The following SCLT1 variants were observed in gnomAD, a reference collection of about 807,000 sequenced individuals.
SCLT1 encodes the protein sodium channel-associated protein 1.
A neutral mutation model predicts 112.8 loss-of-function variants in SCLT1; 78 were observed. The observed-to-expected ratio is 0.69, with a 90% CI of 0.58 to 0.83. The LOEUF (loss-of-function observed/expected upper bound fraction) is 0.83. Ranked by LOEUF, SCLT1 falls within the 40% of genes least tolerant of loss-of-function variation. The pLI is 0.00. For missense variants in SCLT1, 747 were observed against 770.4 expected (o/e 0.97, Z 0.36); for synonymous variants, 257 against 254.7 (o/e 1.01, Z -0.09).
At chr4:128,899,079 G>A (rs1329394436) in intron 18 of SCLT1, among the ~76,000 whole-genome samples, 4 of 152,088 alleles carry the variant, frequency 2.6e-5, no homozygotes, top group Non-Finnish European at 4.4e-5. Flanking sequence ...ATTCACAGCC[G>A]AATTCTACCA....
intron 9 of SCLT1, among the ~76,000 whole-genome samples, chr4:128,975,956 C>A (rs1198444761): frequency 6.6e-6 from 1 of 152,168 alleles, no homozygotes; most frequent in African/African-American, 2.4e-5. Flanking sequence ...ATATTATAAT[C>A]CATACGCTGA....
chr4:128,949,207 T>G (rs1236769075), intron 14 of SCLT1, among the ~76,000 whole-genome samples: 2 of 151,246 alleles, frequency 1.3e-5, no homozygotes, highest in Non-Finnish European at 2.9e-5. Flanking sequence ...ATGGGTAATG[T>G]GTATGGCTTG....
chr4:129,010,296 C>A (rs907701963), intron 5 of SCLT1, among the ~76,000 whole-genome samples: 1 of 152,126 alleles, frequency 6.6e-6, no homozygotes, highest in Non-Finnish European at 1.5e-5. Flanking sequence ...GTACCAGTAG[C>A]ATGCTGTTTT....
At chr4:128,931,737 C>T (rs1014393387) in intron 18 of SCLT1, among the ~76,000 whole-genome samples, 1 of 152,324 alleles carries the variant, frequency 6.6e-6, no homozygotes, top group South Asian at 2.1e-4. Flanking sequence ...GTTGGGATTA[C>T]AGGCGTGAGC....
rs369499383 is a variant in SCLT1, at chr4:128,967,727, C to G, written c.778-2409G>C. On this transcript the variant is annotated intron_variant, in intron 10 of 20. Coordinates refer to ENST00000281142, the MANE Select transcript of SCLT1 (RefSeq NM_144643.4). ...TTTCTCTTGTAAATTTGTTTAAGTT[C>G]TTTATTGATGCTGGATATTACACCT... Among the ~76,000 whole-genome samples the G allele has an allele frequency of 1.3e-4, 20 of 151,910 alleles. 1 individual carries two copies. The highest frequency in any genetic ancestry group is 9.8e-4 in the Admixed American group (15 of 15,274).
intron 9 of SCLT1, among the ~76,000 whole-genome samples, chr4:128,985,326 A>G (rs1045122013): frequency 6.6e-6 from 1 of 152,200 alleles, no homozygotes; most frequent in African/African-American, 2.4e-5. Flanking sequence ...ATCCATATAC[A>G]TATATCGATG....
intron 4 of SCLT1, chr4:128,874,971 T>C (rs1158035463): frequency 2.0e-5 from 3 of 152,060 alleles, no homozygotes; most frequent in African/African-American, 7.3e-5. Context: ...TTTTTCACTA[T>C]GTGCCTAGCT....
intron 17 of SCLT1, among the ~76,000 whole-genome samples, chr4:128,941,778 T>C (rs73850045): frequency 0.015 from 2,240 of 152,216 alleles, 50 homozygotes; most frequent in African/African-American, 0.05. Context: ...GAAACTATCA[T>C]TTCACATTTC....
chr4:129,048,937 C>T (rs1432959599), intron 2 of SCLT1, among the ~76,000 whole-genome samples: 1 of 151,988 alleles, frequency 6.6e-6, no homozygotes, highest in East Asian at 1.9e-4. Context: ...GAGATACCAT[C>T]TCAAACCAGT....
chr4:128,957,059 A>T lies in SCLT1; in HGVS notation c.1113T>A (p.Phe371Leu). The change falls in exon 13 of 21, where the codon TTT (phenylalanine) becomes TTA (leucine). Residue 371 changes from phenylalanine (F) to leucine (L), a missense_variant. Around this residue, in one of 2 missense-constraint regions of SCLT1, gnomAD observed 723 missense variants for 721.3 expected, o/e 1.00. Coordinates refer to ENST00000281142, the MANE Select transcript of SCLT1 (RefSeq NM_144643.4). ...IEKMKETVSRFVQDATIRTKK... is the reference protein window; with the variant it reads ...IEKMKETVSRLVQDATIRTKK... ...TGGTTCTTATGGTAGCATCTTGTAC[A>T]AACCGAGAAACTGTCTCTTTCATTT... 7 of 1,600,396 alleles carry T rather than the reference A, an allele frequency of 4.4e-6. No individual in the cohort carries two copies. The highest frequency in any genetic ancestry group is 6.0e-6 in the Non-Finnish European group (7 of 1,171,658).
At chr4:128,898,572 G>A (rs1194299098) in intron 18 of SCLT1, among the ~76,000 whole-genome samples, 1 of 152,106 alleles carries the variant, frequency 6.6e-6, no homozygotes, top group Non-Finnish European at 1.5e-5. Flanking sequence ...GAGAAAGCAG[G>A]AAAGATCGAA....
intron 18 of SCLT1, among the ~76,000 whole-genome samples, chr4:128,909,567 A>T: frequency 6.6e-6 from 1 of 152,234 alleles, no homozygotes; most frequent in Non-Finnish European, 1.5e-5. Flanking sequence ...TTTGCATGGT[A>T]CTTATTATCT....
In SCLT1 at chr4:128,907,226, G is replaced by T. The variant is rs145219023; in HGVS notation, c.1830-16089C>A. Among the ~76,000 whole-genome samples the T allele has an allele frequency of 2.5e-3, 378 of 152,270 alleles. 3 individuals carry two copies. Among genetic ancestry groups the T allele is most frequent in the Admixed American group, 4.1e-3 (62 of 15,284 alleles). ...TAAGTCGTAACAGGAAATTGGCACTGAAGTATTTTAAGAAGAGAAGTGACG... is the reference window on the plus strand; with the variant it reads ...TAAGTCGTAACAGGAAATTGGCACTTAAGTATTTTAAGAAGAGAAGTGACG... On this transcript the variant is annotated intron_variant, in intron 18 of 20. Transcript: ENST00000281142.
chr4:129,031,331 T>C (rs1222834709), intron 5 of SCLT1, among the ~76,000 whole-genome samples: 6 of 152,100 alleles, frequency 3.9e-5, no homozygotes, highest in Non-Finnish European at 2.9e-5. Context: ...AAGAGGTATT[T>C]ATGACAAACC....
intron 5 of SCLT1, chr4:128,873,687 C>T (rs1410930305): frequency 6.6e-6 from 1 of 152,236 alleles, no homozygotes; most frequent in Admixed American, 6.5e-5. Flanking sequence ...GAATTATGGG[C>T]CTTTGGAACA....
At chr4:129,055,963 T>C (rs72685324) in intron 2 of SCLT1, among the ~76,000 whole-genome samples, 41,054 of 152,114 alleles carry the variant, frequency 0.27, 5,933 homozygotes, top group South Asian at 0.36. Context: ...GATCTGCAGA[T>C]TGCAGAAACC....
chr4:128,988,719 T>C (rs1024191891), intron 9 of SCLT1, among the ~76,000 whole-genome samples: 11 of 151,864 alleles, frequency 7.2e-5, no homozygotes, highest in African/African-American at 2.2e-4. Flanking sequence ...CCTAATCATA[T>C]GCTGCCTACG....
At chr4:128,946,270 G>T in intron 15 of SCLT1, 118 bp from the exon 16 acceptor site, 1 of 570,300 alleles carries the variant, frequency 1.8e-6, no homozygotes, top group Non-Finnish European at 2.9e-6. Context: ...CATTTGTTCT[G>T]ACCGTAACAT....
chr4:129,025,878 A>C (rs888757604), intron 5 of SCLT1, among the ~76,000 whole-genome samples: 41 of 152,156 alleles, frequency 2.7e-4, no homozygotes, highest in African/African-American at 8.4e-4. Flanking sequence ...ATGGAAAACA[A>C]AAAAAGGCAG....
Sources: gnomAD v4.1 joint callset for allele counts (sites outside exome capture counted in the v4.1 genomes callset) on GRCh38, gnomAD v4.1.1 for gene constraint, gnomAD v4.1.1 regional missense constraint, MANE v1.5 for transcripts, NCBI Gene and HGNC (gene_info 2026-07-23, HGNC 2026-07-21) for gene names.